ATP10B: variants seen among roughly 807,000 people sequenced by gnomAD.
The protein encoded by ATP10B is phospholipid-transporting ATPase VB.
In ATP10B, 122 loss-of-function variants were observed where a neutral mutation model predicts 141.2. The ratio of observed to expected loss-of-function variants is 0.86; its 90% CI spans 0.75 to 1.00. The LOEUF (loss-of-function observed/expected upper bound fraction) is 1.00, where lower values mean the gene tolerates loss of function less well. Among genes scored for constraint, ATP10B ranks in the 50% least tolerant of loss-of-function variants. The pLI, the probability that ATP10B is intolerant of heterozygous loss-of-function variation, is 0.00. For synonymous variants in ATP10B, 685 were observed against 692.0 expected (o/e 0.99, Z 0.16); for missense variants, 1,876 against 1,825.3 (o/e 1.03, Z -0.51).
chr5:160,647,980 G>T (rs1167006002), intron 8 of ATP10B, among the ~76,000 whole-genome samples: 3 of 152,164 alleles, frequency 2.0e-5, no homozygotes, highest in African/African-American at 7.2e-5. Flanking sequence ...GGCCCTATTG[G>T]TGGAGAAATT....
chr5:160,855,714 A>G (rs1468886197), upstream of ATP10B, among the ~76,000 whole-genome samples: 1 of 151,826 alleles, frequency 6.6e-6, no homozygotes, highest in Non-Finnish European at 1.5e-5. Flanking sequence ...AAAATTTTAT[A>G]ATTTTATGAA....
chr5:160,582,031 C>T (rs906815661), intron 24 of ATP10B, among the ~76,000 whole-genome samples: 12 of 152,200 alleles, frequency 7.9e-5, no homozygotes, highest in Admixed American at 7.9e-4. Context: ...TATTTTGAGC[C>T]TATGTGTGTC....
At chr5:160,818,948 A>T (rs1773895908) in intron 1 of ATP10B, among the ~76,000 whole-genome samples, 1 of 152,162 alleles carries the variant, frequency 6.6e-6, no homozygotes, top group African/African-American at 2.4e-5. Context: ...GAATTGAACA[A>T]TGAGAACACA....
Position 160,822,989 on chromosome 5 carries a change from CATAT to C in ATP10B, c.-576+28948_-576+28951del, listed in dbSNP as rs773879988. Among the ~76,000 whole-genome samples the C allele has an allele frequency of 3.4e-3, 236 of 69,712 alleles. 5 individuals carry two copies. Among genetic ancestry groups the C allele is most frequent in the African/African-American group, 0.011 (228 of 20,724 alleles). 45.7% of individuals were successfully genotyped at this position (69,712 alleles called of 152,430 possible). A position where few individuals can be genotyped will look rare whatever the true frequency, so the allele number is the denominator to read the frequency against. On this transcript the variant is annotated intron_variant, in intron 1 of 25. Coordinates refer to ENST00000327245, the MANE Select transcript of ATP10B (RefSeq NM_025153.3). ...TGACTATAGTAAAAAATTACATATA[CATAT>C]ATATATACATATATATATATATATA...
chr5:160,831,925 A>T (rs941018851), intron 1 of ATP10B, among the ~76,000 whole-genome samples: 3 of 152,094 alleles, frequency 2.0e-5, no homozygotes, highest in Non-Finnish European at 2.9e-5. Flanking sequence ...TCTAAAAACG[A>T]AAGTAGGTGA....
chr5:160,698,310 T>G (rs1764486800), intron 3 of ATP10B, among the ~76,000 whole-genome samples: 1 of 152,138 alleles, frequency 6.6e-6, no homozygotes, highest in Non-Finnish European at 1.5e-5. Context: ...GTTTTATCCA[T>G]TTTTTCCCTT....
At chr5:160,769,754 C>T (rs555361585) in intron 2 of ATP10B, among the ~76,000 whole-genome samples, 157 of 152,314 alleles carry the variant, frequency 1.0e-3, no homozygotes, top group African/African-American at 3.5e-3. Context: ...CATTTTCAGT[C>T]GGTTGCCATA....
the ATP10B span, among the ~76,000 whole-genome samples, chr5:160,904,682 T>C: frequency 5.3e-3 from 811 of 152,332 alleles, 7 homozygotes; most frequent in African/African-American, 0.019. Flanking sequence ...GTATCTATAA[T>C]GTTCTGAAGA....
intron 1 of ATP10B, among the ~76,000 whole-genome samples, chr5:160,816,118 C>G (rs923113459): frequency 3.9e-4 from 59 of 150,342 alleles, no homozygotes; most frequent in African/African-American, 1.3e-3. Flanking sequence ...GAAGCAAGAG[C>G]AAACACATTC....
intron 24 of ATP10B, among the ~76,000 whole-genome samples, chr5:160,573,272 A>C (rs1754991311): frequency 6.6e-6 from 1 of 152,218 alleles, no homozygotes; most frequent in Non-Finnish European, 1.5e-5. Context: ...CCAGGAAGGA[A>C]GAGGGCCTGA....
At chr5:160,894,036 G>A in the ATP10B span, among the ~76,000 whole-genome samples, 2 of 152,140 alleles carry the variant, frequency 1.3e-5, no homozygotes, top group African/African-American at 4.8e-5. Context: ...AACCCCATTT[G>A]AAGGTCACCA....
intron 2 of ATP10B, among the ~76,000 whole-genome samples, chr5:160,782,438 T>TACAC (rs57112303): frequency 0.23 from 32,941 of 140,840 alleles, 4,285 homozygotes; most frequent in Non-Finnish European, 0.3. Flanking sequence ...TCTTCCTCCA[T>TACAC]ACACACACAC....
At chr5:160,617,763 A>G in intron 16 of ATP10B, 101 bp downstream of exon 16, 1 of 1,043,798 alleles carries the variant, frequency 9.6e-7, no homozygotes, top group South Asian at 1.5e-5. Flanking sequence ...AAATGTTAAA[A>G]CAACCACCTC....
At chr5:160,697,977 T>C (rs1764468281) in intron 3 of ATP10B, among the ~76,000 whole-genome samples, 2 of 152,254 alleles carry the variant, frequency 1.3e-5, no homozygotes, top group African/African-American at 2.4e-5. Context: ...ATTTCTCATC[T>C]GCCACATTAC....
chr5:160,869,643 A>C, the ATP10B span, among the ~76,000 whole-genome samples: 1 of 152,186 alleles, frequency 6.6e-6, no homozygotes, highest in Non-Finnish European at 1.5e-5. Flanking sequence ...ATCTGTAAGA[A>C]AAGTGAGGAC....
chr5:160,921,854 C>T, the ATP10B span, among the ~76,000 whole-genome samples: 1 of 152,288 alleles, frequency 6.6e-6, no homozygotes, highest in African/African-American at 2.4e-5. Context: ...CCCTTTTGGG[C>T]CTCATGACTT....
chr5:160,891,998 T>G, the ATP10B span, among the ~76,000 whole-genome samples: 1 of 152,226 alleles, frequency 6.6e-6, no homozygotes, highest in East Asian at 1.9e-4. Flanking sequence ...TATAAAACAG[T>G]CATTTGTTAT....
intron 5 of ATP10B, among the ~76,000 whole-genome samples, chr5:160,687,307 C>T (rs959730128): frequency 3.9e-5 from 6 of 152,102 alleles, no homozygotes; most frequent in Non-Finnish European, 8.8e-5. Flanking sequence ...ATCTCTAGCT[C>T]CCAGCTTATG....
At chr5:160,866,765 A>T in the ATP10B span, among the ~76,000 whole-genome samples, 893 of 152,216 alleles carry the variant, frequency 5.9e-3, 12 homozygotes, top group African/African-American at 0.02. Flanking sequence ...GTGAGGAATA[A>T]AGACTACATA....
Sources: allele counts gnomAD v4.1 joint callset (sites outside exome capture counted in the v4.1 genomes callset), GRCh38; gene constraint gnomAD v4.1.1; transcripts MANE v1.5; gene names NCBI Gene and HGNC (gene_info 2026-07-23, HGNC 2026-07-21).